The following PLEKHM3 variants were observed in gnomAD, a reference collection of about 807,000 sequenced individuals.
PLEKHM3 encodes pleckstrin homology domain containing M3, also known as pleckstrin homology domain-containing family M member 3.
Under a neutral mutation model 81.8 loss-of-function variants are expected in PLEKHM3, and 45 were observed. The ratio of observed to expected loss-of-function variants is 0.55; its 90% CI spans 0.43 to 0.71. The LOEUF is 0.71. Ranked by LOEUF, PLEKHM3 falls within the 30% of genes least tolerant of loss-of-function variation. The pLI is 0.00. For missense variants in PLEKHM3, 788 were observed against 924.3 expected, an observed-to-expected ratio of 0.85 and a Z score of 1.91; for synonymous variants, 352 against 356.4, an observed-to-expected ratio of 0.99 and a Z score of 0.14.
intron 5 of PLEKHM3, among the ~76,000 whole-genome samples, chr2:207,918,546 A>G (rs1032873740): frequency 6.6e-6 from 1 of 151,532 alleles, no homozygotes; most frequent in African/African-American, 2.4e-5. Flanking sequence ...CAAACAAAAA[A>G]CAAACAAACA....
chr2:207,926,106 A>T (rs1036690485), intron 5 of PLEKHM3, among the ~76,000 whole-genome samples: 1 of 152,170 alleles, frequency 6.6e-6, no homozygotes, highest in African/African-American at 2.4e-5. Context: ...AATGTGTTAT[A>T]TGCCAAGTGG....
chr2:207,906,433 C>T (rs185654227), intron 6 of PLEKHM3, among the ~76,000 whole-genome samples: 13 of 152,260 alleles, frequency 8.5e-5, no homozygotes, highest in African/African-American at 3.1e-4. Context: ...AAATGAAAAC[C>T]TTAGTCTTTT....
chr2:207,924,593 G>C (rs1689323360), intron 5 of PLEKHM3, among the ~76,000 whole-genome samples: 1 of 152,158 alleles, frequency 6.6e-6, no homozygotes, highest in Non-Finnish European at 1.5e-5. Flanking sequence ...GCTGAGGCAG[G>C]AGAATTGCTT....
At chr2:207,895,192 C>T (rs1688182377) in intron 6 of PLEKHM3, among the ~76,000 whole-genome samples, 1 of 152,142 alleles carries the variant, frequency 6.6e-6, no homozygotes, top group South Asian at 2.1e-4. Flanking sequence ...CTGGCCATCC[C>T]TCCCTCTCTC....
chr2:208,000,973 TC>T, intron 2 of PLEKHM3, 56 bp downstream of exon 2: 1 of 1,371,828 alleles, frequency 7.3e-7, no homozygotes. Context: ...CTTATCTGAG[TC>T]ACAGCCCCAA....
At chr2:208,006,547 T>C (rs1241501158) in intron 1 of PLEKHM3, among the ~76,000 whole-genome samples, 1 of 152,202 alleles carries the variant, frequency 6.6e-6, no homozygotes, top group Non-Finnish European at 1.5e-5. Flanking sequence ...TAACATCGAA[T>C]TGCTTTGCGT....
intron 7 of PLEKHM3, among the ~76,000 whole-genome samples, chr2:207,835,206 G>C (rs1037557863): frequency 1.3e-5 from 2 of 152,086 alleles, no homozygotes; most frequent in Non-Finnish European, 2.9e-5. Flanking sequence ...GCCTCCCAAA[G>C]TGCTGGGATT....
At chr2:207,935,823 C>T (rs1689732279) in intron 4 of PLEKHM3, among the ~76,000 whole-genome samples, 1 of 152,136 alleles carries the variant, frequency 6.6e-6, no homozygotes, top group Non-Finnish European at 1.5e-5. Context: ...GTCCCTTCTC[C>T]ATCTTACAGC....
Position 207,930,798 on chromosome 2 carries a change from G to C in PLEKHM3, c.1886+128C>G, listed in dbSNP as rs1574417653. The C allele has an allele frequency of 4.1e-6, 4 of 981,744 alleles. No homozygotes were observed. In the East Asian group the frequency reaches 1.0e-4, roughly 25 times the overall value. 60.8% of individuals were successfully genotyped at this position (981,744 alleles called of 1,614,324 possible). ...AGCCCAGAGAGAGGCTGGCAGTGGA[G>C]AGGCGGAGGGCGAGCCACAAAATTA... On this transcript the variant is annotated intron_variant, in intron 5 of 7. Transcript: ENST00000427836.
chr2:207,993,355 G>GA (rs925093944), intron 2 of PLEKHM3, among the ~76,000 whole-genome samples: 1 of 152,112 alleles, frequency 6.6e-6, no homozygotes, highest in African/African-American at 2.4e-5. Context: ...GCTGAAGGGT[G>GA]AATCATAAAT....
intron 1 of PLEKHM3, among the ~76,000 whole-genome samples, chr2:208,006,765 A>T (rs991353920): frequency 2.0e-5 from 3 of 152,190 alleles, no homozygotes; most frequent in Non-Finnish European, 2.9e-5. Context: ...TGACCTATAG[A>T]CATTTTATCT....
At chr2:207,853,611 G>A (rs2092423817) in intron 7 of PLEKHM3, among the ~76,000 whole-genome samples, 2 of 151,016 alleles carry the variant, frequency 1.3e-5, no homozygotes, top group Non-Finnish European at 1.5e-5. Context: ...GCGGGTGCCT[G>A]TAATCCCAGC....
At chr2:207,988,416 T>C (rs753398520) in intron 2 of PLEKHM3, among the ~76,000 whole-genome samples, 4 of 152,228 alleles carry the variant, frequency 2.6e-5, no homozygotes, top group Non-Finnish European at 5.9e-5. Context: ...TGTACCTCAC[T>C]GTACTGTTGT....
intron 1 of PLEKHM3, among the ~76,000 whole-genome samples, chr2:208,004,998 G>C (rs575755355): frequency 7.3e-5 from 11 of 151,446 alleles, no homozygotes; most frequent in African/African-American, 2.7e-4. Context: ...GCTAATTTTT[G>C]TATTTTTAGT....
chr2:207,938,122 T>C (rs1689817465), intron 4 of PLEKHM3, among the ~76,000 whole-genome samples: 1 of 152,232 alleles, frequency 6.6e-6, no homozygotes, highest in Non-Finnish European at 1.5e-5. Context: ...TAAATTTTTT[T>C]AAAACAAAAC....
At chr2:207,982,727 T>C (rs1328844908) in intron 2 of PLEKHM3, among the ~76,000 whole-genome samples, 1 of 151,312 alleles carries the variant, frequency 6.6e-6, no homozygotes, top group Non-Finnish European at 1.5e-5. Flanking sequence ...TAGAGGTGCC[T>C]GCCACCATGC....
At position 207,911,113 on chromosome 2, in the gene PLEKHM3, T is replaced by A. The variant is rs145048979; in HGVS notation, c.1887-2536A>T. 3.0e-3 allele frequency among the ~76,000 whole-genome samples: 454 copies of A among 152,150 alleles called. 6 individuals carry two copies. Among genetic ancestry groups the A allele is most frequent in the African/African-American group, 0.01 (434 of 41,492 alleles). On this transcript the variant is annotated intron_variant, in intron 5 of 7. Transcript: ENST00000427836. The stretch of plus-strand genomic sequence containing the variant: ...TGAGATGTAGAAGACCCAGGGCACT[T>A]CTGATGGGAGCACAGAGCAGACAGC...
intron 3 of PLEKHM3, among the ~76,000 whole-genome samples, chr2:207,959,304 A>G (rs373820209): frequency 1.3e-5 from 2 of 152,116 alleles, no homozygotes; most frequent in Admixed American, 6.5e-5. Flanking sequence ...ATATTAAACC[A>G]CTACTAACTC....
intron 7 of PLEKHM3, among the ~76,000 whole-genome samples, chr2:207,858,180 A>ATATATATATATTTT (rs751293954): frequency 9.6e-6 from 1 of 103,846 alleles, no homozygotes; most frequent in African/African-American, 3.7e-5. Context: ...GTGTGTATAT[A>ATATATATATATTTT]TTTTTTTTTT....
Sources: allele counts gnomAD v4.1 joint callset (sites outside exome capture counted in the v4.1 genomes callset), GRCh38; gene constraint gnomAD v4.1.1; transcripts MANE v1.5; gene names NCBI Gene and HGNC (gene_info 2026-07-23, HGNC 2026-07-21).